PLEKHA7: variants seen among roughly 807,000 people sequenced by gnomAD.
PLEKHA7 encodes pleckstrin homology domain-containing family A member 7.
A neutral mutation model predicts 170.0 loss-of-function variants in PLEKHA7; 104 were observed. The observed-to-expected ratio is 0.61, with a 90% CI of 0.52 to 0.72. The LOEUF (loss-of-function observed/expected upper bound fraction) is 0.72. Ranked by LOEUF, PLEKHA7 falls within the 30% of genes least tolerant of loss-of-function variation. The pLI is 0.00. For missense variants in PLEKHA7, 1,615 were observed against 1,671.7 expected, an observed-to-expected ratio of 0.97 and a Z score of 0.59; for synonymous variants, 648 against 660.8, an observed-to-expected ratio of 0.98 and a Z score of 0.30.
Position 16,781,004 on chromosome 11 carries a change from G to A in PLEKHA7, c.3793+1750C>T, listed in dbSNP as rs1239206609. 2.0e-5 allele frequency: 20 copies of A among 986,194 alleles called. No homozygotes were observed. In the East Asian group the frequency reaches 7.9e-4, roughly 39 times the overall value. The allele number at this position is 986,194 out of a possible 1,614,324, so 61.1% of individuals were successfully genotyped here. A position where few individuals can be genotyped will look rare whatever the true frequency, so the allele number is the denominator to read the frequency against. ...GGTAAAAGGGGGGTAAGGTGGCACC[G>A]TCCTGGAAGACAGGGGGCCTTTAGG... On this transcript the variant is annotated intron_variant, in intron 26 of 26. Coordinates refer to ENST00000531066, the MANE Select transcript of PLEKHA7 (RefSeq NM_001329630.2).
chr11:16,884,412 C>A (rs957474897), intron 3 of PLEKHA7, among the ~76,000 whole-genome samples: 1 of 152,216 alleles, frequency 6.6e-6, no homozygotes, highest in Non-Finnish European at 1.5e-5. Flanking sequence ...GCAGGCAGAT[C>A]ACCTGAGGTC....
At chr11:16,790,712 A>G in intron 21 of PLEKHA7, 86 bp downstream of exon 21, 9 of 1,352,168 alleles carry the variant, frequency 6.7e-6, no homozygotes, top group Non-Finnish European at 9.3e-6. Flanking sequence ...CTAGAGCTGC[A>G]GGCAGAAGGG....
chr11:16,955,555 T>A (rs369106667), intron 3 of PLEKHA7, among the ~76,000 whole-genome samples: 1 of 152,222 alleles, frequency 6.6e-6, no homozygotes, highest in African/African-American at 2.4e-5. Context: ...ATAAGTCCAC[T>A]GCTTTCAGAA....
chr11:16,927,531 G>A (rs1859646787), intron 3 of PLEKHA7, among the ~76,000 whole-genome samples: 3 of 151,892 alleles, frequency 2.0e-5, no homozygotes, highest in Admixed American at 6.6e-5. Flanking sequence ...ACTCTTTCCA[G>A]GATAAATTGG....
chr11:16,824,788 G>A (rs1273377341), intron 10 of PLEKHA7, among the ~76,000 whole-genome samples: 1 of 152,072 alleles, frequency 6.6e-6, no homozygotes, highest in Admixed American at 6.5e-5. Flanking sequence ...AAATTCAAAT[G>A]CCTTACTTTG....
rs759926818 is a variant in PLEKHA7 at position 16,789,107 on chromosome 11, C to A, written c.3346G>T (p.Asp1116Tyr). ...CCCTCCTAACATACTGAGCCAAGAT[C>A]TCCAGGGAGCGGCCGGCTGAGGTAG... ...SRYLSRPLPGDLGSWKREQDF... is the reference protein window; with the variant it reads ...SRYLSRPLPGYLGSWKREQDF... The change falls in exon 23 of 27, where the codon GAT (aspartate) becomes TAT (tyrosine). Residue 1116 changes from aspartate (D) to tyrosine (Y), a missense_variant. Coordinates refer to ENST00000531066, the MANE Select transcript of PLEKHA7 (RefSeq NM_001329630.2). This position sits in a 1 kb window ranked among gnomAD's most constrained non-coding sequence, Gnocchi z 4.6. 5.0e-6 allele frequency: 8 copies of A among 1,603,818 alleles called. No individual in the cohort carries two copies. The highest frequency in any genetic ancestry group is 2.2e-5 in the East Asian group (1 of 44,870).
chr11:16,801,324 C>T (rs1848583765), intron 16 of PLEKHA7, among the ~76,000 whole-genome samples: 1 of 152,216 alleles, frequency 6.6e-6, no homozygotes, highest in African/African-American at 2.4e-5. Context: ...CTGGCCTGTA[C>T]CACAACAGAC....
intron 3 of PLEKHA7, among the ~76,000 whole-genome samples, chr11:16,917,625 T>C (rs1858787346): frequency 6.6e-6 from 1 of 152,240 alleles, no homozygotes; most frequent in African/African-American, 2.4e-5. Flanking sequence ...TAAGGACCCT[T>C]CTGATTACAT....
At chr11:16,996,427 A>C (rs768999016) in intron 3 of PLEKHA7, among the ~76,000 whole-genome samples, 1 of 152,224 alleles carries the variant, frequency 6.6e-6, no homozygotes, top group Non-Finnish European at 1.5e-5. Context: ...CACAGCAGGC[A>C]GGCAGGACTT....
At chr11:16,835,963 C>T (rs80039612) in intron 9 of PLEKHA7, among the ~76,000 whole-genome samples, 225 of 152,326 alleles carry the variant, frequency 1.5e-3, no homozygotes, top group African/African-American at 5.1e-3. Context: ...TCTCAGTCCT[C>T]GCGGCCTGGA....
chr11:16,913,541 C>T (rs1478433938), intron 3 of PLEKHA7, among the ~76,000 whole-genome samples: 1 of 152,196 alleles, frequency 6.6e-6, no homozygotes, highest in Non-Finnish European at 1.5e-5. Context: ...AGGCTGCCTG[C>T]AGACAGTGCG....
intron 4 of PLEKHA7, among the ~76,000 whole-genome samples, chr11:16,867,672 G>A (rs922463587): frequency 6.6e-6 from 1 of 152,048 alleles, no homozygotes; most frequent in African/African-American, 2.4e-5. Flanking sequence ...TTTCATTTAG[G>A]AGGAAGCAAT....
At chr11:16,872,461 G>A (rs948156420) in intron 3 of PLEKHA7, among the ~76,000 whole-genome samples, 3 of 152,114 alleles carry the variant, frequency 2.0e-5, no homozygotes, top group African/African-American at 4.8e-5. Context: ...CATAGAAAAA[G>A]TCCTATATTA....
chr11:16,931,539 A>AT (rs1859922490), intron 3 of PLEKHA7, among the ~76,000 whole-genome samples: 1 of 152,144 alleles, frequency 6.6e-6, no homozygotes, highest in Non-Finnish European at 1.5e-5. Context: ...CCTGGCCAAC[A>AT]TGGCAAAATC....
At chr11:16,948,183 G>A (rs1367364781) in intron 3 of PLEKHA7, among the ~76,000 whole-genome samples, 2 of 152,100 alleles carry the variant, frequency 1.3e-5, no homozygotes, top group Non-Finnish European at 2.9e-5. Context: ...GTGGGTGGAG[G>A]GGTTGGGAGA....
intron 3 of PLEKHA7, among the ~76,000 whole-genome samples, chr11:16,931,531 T>G (rs1565128670): frequency 6.6e-6 from 1 of 152,078 alleles, no homozygotes; most frequent in Non-Finnish European, 1.5e-5. Flanking sequence ...AAGATCAGCC[T>G]GGCCAACATG....
intron 3 of PLEKHA7, among the ~76,000 whole-genome samples, chr11:16,957,174 G>A (rs1482370830): frequency 6.6e-6 from 1 of 152,054 alleles, no homozygotes; most frequent in African/African-American, 2.4e-5. Flanking sequence ...AATTCCATGG[G>A]GATATTCAAG....
intron 3 of PLEKHA7, among the ~76,000 whole-genome samples, chr11:17,007,463 C>T (rs749831513): frequency 4.0e-5 from 6 of 151,876 alleles, no homozygotes; most frequent in Non-Finnish European, 7.4e-5. Context: ...GCTGGGATTA[C>T]AGGCACTCGC....
chr11:16,910,986 A>G (rs1858207986), intron 3 of PLEKHA7, among the ~76,000 whole-genome samples: 1 of 152,164 alleles, frequency 6.6e-6, no homozygotes. Flanking sequence ...GAGTGATGTG[A>G]CATTTTTTAA....
Sources: allele counts gnomAD v4.1 joint callset (sites outside exome capture counted in the v4.1 genomes callset), GRCh38; gene constraint gnomAD v4.1.1; non-coding constraint Gnocchi (gnomAD v3.1); transcripts MANE v1.5; gene names NCBI Gene and HGNC (gene_info 2026-07-23, HGNC 2026-07-21).